The following MTOR variants were observed in gnomAD, a reference collection of about 807,000 sequenced individuals.
MTOR encodes mechanistic target of rapamycin kinase, also known as serine/threonine-protein kinase mTOR.
In MTOR, 70 loss-of-function variants were observed where a neutral mutation model predicts 319.8. The observed-to-expected ratio is 0.22, with a 90% confidence interval of 0.18 to 0.27. The LOEUF (loss-of-function observed/expected upper bound fraction) is 0.27, where lower values mean the gene tolerates loss of function less well. Among genes scored for constraint, MTOR ranks in the 10% least tolerant of loss-of-function variants. The pLI is 1.00. For synonymous variants in MTOR, 1,183 were observed against 1,211.4 expected (o/e 0.98, Z 0.49); for missense variants, 1,890 against 3,274.4 (o/e 0.58, Z 10.32).
chr1:11,212,685 G>T lies in MTOR; in HGVS notation c.3398+111C>A. 8.9e-7 allele frequency: 1 copy of T among 1,122,762 alleles called. No individual in the cohort carries two copies. The highest frequency in any genetic ancestry group is 2.1e-5 in the Admixed American group (1 of 47,910). 69.5% of individuals were successfully genotyped at this position (1,122,762 alleles called of 1,614,324 possible). On this transcript the variant is annotated intron_variant, in intron 22 of 57. Transcript: ENST00000361445. The surrounding 1 kb of genome is among the most constrained non-coding windows in gnomAD (Gnocchi z 4.1). Reference sequence around the variant, plus strand: ...GGATATTTCTAGACTAAAATAATGTGAGTTGAAATAACAAAAAAAATAGAA... The same window carrying T: ...GGATATTTCTAGACTAAAATAATGTTAGTTGAAATAACAAAAAAAATAGAA...
chr1:11,192,393 C>A (rs1350025063), intron 28 of MTOR: 1 of 1,555,422 alleles, frequency 6.4e-7, no homozygotes. Flanking sequence ...CAGTCACTGG[C>A]CATGCCCTAA....
intron 28 of MTOR, among the ~76,000 whole-genome samples, chr1:11,185,313 T>C (rs1256187852): frequency 1.3e-5 from 2 of 150,326 alleles, no homozygotes; most frequent in African/African-American, 4.9e-5. Context: ...TGGTGGCTCA[T>C]GCCTGTAATC....
intron 28 of MTOR, among the ~76,000 whole-genome samples, chr1:11,193,336 T>C (rs1645625134): frequency 6.6e-6 from 1 of 151,956 alleles, no homozygotes; most frequent in South Asian, 2.1e-4. Flanking sequence ...ATCTGGATTT[T>C]TCCCTCCAAG....
intron 36 of MTOR, among the ~76,000 whole-genome samples, chr1:11,135,376 A>G (rs1016709328): frequency 4.6e-5 from 7 of 152,268 alleles, no homozygotes; most frequent in African/African-American, 1.7e-4. Flanking sequence ...GAAAAATGGC[A>G]AAATCTAAAT....
At chr1:11,151,866 T>C (rs988015873) in intron 30 of MTOR, among the ~76,000 whole-genome samples, 38 of 152,188 alleles carry the variant, frequency 2.5e-4, no homozygotes, top group Non-Finnish European at 2.9e-5. Flanking sequence ...CCTCCCTCTA[T>C]TATTTTTTCA....
chr1:11,217,461 G>A (rs935704100), intron 19 of MTOR, among the ~76,000 whole-genome samples: 3 of 150,356 alleles, frequency 2.0e-5, no homozygotes, highest in African/African-American at 4.9e-5. Flanking sequence ...GCATGATCTC[G>A]GCTCACTGCA....
chr1:11,130,814 T>C (rs1054055916), intron 38 of MTOR, 37 bp from the exon 39 acceptor site: 11 of 1,544,784 alleles, frequency 7.1e-6, no homozygotes, highest in Non-Finnish European at 9.6e-6. Context: ...ACACTGGAGC[T>C]GTGACCAACA....
rs566163156 is a variant in MTOR at position 11,115,057 on chromosome 1, C to T, written c.7090-170G>A. On this transcript the variant is annotated intron_variant, in intron 51 of 57. Transcript: ENST00000361445. This position sits in a 1 kb window ranked among gnomAD's most constrained non-coding sequence, Gnocchi z 4.5. ...CTTGTCACAGGGATTTGAAAGACAA[C>T]TTAAAAAAAAAAAGAAACGAACAAC... is the stretch of plus-strand genomic sequence containing the variant. Among the ~76,000 whole-genome samples the T allele has an allele frequency of 6.7e-6, 1 of 149,842 alleles. No individual in the cohort carries two copies.
intron 1 of MTOR, among the ~76,000 whole-genome samples, chr1:11,260,014 T>C (rs1361634933): frequency 6.6e-6 from 1 of 152,234 alleles, no homozygotes; most frequent in Non-Finnish European, 1.5e-5. Context: ...CATGGGTTGA[T>C]GTGAGAACTA....
At chr1:11,132,692 C>T (rs1483880857) in intron 38 of MTOR, 2 of 164,382 alleles carry the variant, frequency 1.2e-5, no homozygotes, top group African/African-American at 4.8e-5. Context: ...AAGTTCTTAG[C>T]TGAGGAGCAG....
intron 6 of MTOR, among the ~76,000 whole-genome samples, chr1:11,249,238 G>T (rs112949837): frequency 2.6e-5 from 4 of 152,122 alleles, no homozygotes; most frequent in East Asian, 1.9e-4. Context: ...GGCCAGGGGA[G>T]GGGGGTTGGG....
chr1:11,237,734 A>T, intron 13 of MTOR, 109 bp downstream of exon 13: 1 of 1,181,766 alleles, frequency 8.5e-7, no homozygotes, highest in Non-Finnish European at 1.2e-6. Context: ...TTTACCAGGT[A>T]CCTCAATCTT....
chr1:11,139,485 A>C, intron 35 of MTOR, 48 bp downstream of exon 35: 1 of 1,614,156 alleles, frequency 6.2e-7, no homozygotes, highest in Non-Finnish European at 8.5e-7. Context: ...CAGCCCAGGG[A>C]CACCATGGGG....
At position 11,133,052 on chromosome 1, in the gene MTOR, G is replaced by T. The variant is rs377042597; in HGVS notation, c.5364+28C>A. 2.5e-6 allele frequency: 4 copies of T among 1,594,676 alleles called. No homozygotes were observed. Among genetic ancestry groups the T allele is most frequent in the Non-Finnish European group, 1.7e-6 (2 of 1,163,058 alleles). On this transcript the variant is annotated intron_variant, in intron 38 of 57. Transcript: ENST00000361445. The surrounding 1 kb of genome is among the most constrained non-coding windows in gnomAD (Gnocchi z 4.0). ...GGACACGAGCCAGCCAGGGTGCTGG[G>T]TCTCACAGGTGGCCTGCTTCTGATC...
At chr1:11,252,661 C>T (rs1425093471) in intron 6 of MTOR, among the ~76,000 whole-genome samples, 5 of 152,174 alleles carry the variant, frequency 3.3e-5, no homozygotes, top group Admixed American at 6.6e-5. Flanking sequence ...CTGCTGCATG[C>T]GCTGCTCCCA....
At chr1:11,134,322 G>A (rs990152239) in intron 37 of MTOR, 29 bp downstream of exon 37, 1 of 1,599,834 alleles carries the variant, frequency 6.3e-7, no homozygotes, top group African/African-American at 1.3e-5. Context: ...GCTGGAATAT[G>A]ACTTGCCCCA....
In MTOR at chr1:11,133,098, G is replaced by A. The variant is rs200804619; in HGVS notation, c.5346C>T (p.His1782=). The A allele has an allele frequency of 1.7e-5, 27 of 1,614,054 alleles. No individual in the cohort carries two copies. The Middle Eastern group carries it at 9.9e-4, about 59-fold the overall frequency. Residue 1782 remains histidine (H), a synonymous_variant, in exon 38 of 58, where the codon CAC becomes CAT. Transcript: ENST00000361445. This position sits in a 1 kb window ranked among gnomAD's most constrained non-coding sequence, Gnocchi z 4.0. ...VLQYYSAATE[H]DRSWYKAWHA... is the part of the protein sequence containing the mutation. ...TGATCACCTTGTACCAGCTGCGGTC[G>A]TGCTCTGTGGCGGCGCTGTAGTACT...
rs561502461 is a variant in MTOR at position 11,127,570 on chromosome 1, T to C, written c.6216+54A>G. On this transcript the variant is annotated intron_variant, in intron 44 of 57. Coordinates refer to ENST00000361445, the MANE Select transcript of MTOR (RefSeq NM_004958.4). This position sits in a 1 kb window ranked among gnomAD's most constrained non-coding sequence, Gnocchi z 5.5. ...AAACTTTTCTCATTTCATTTTTTTTTAGTGGCAGAATATTTCTACAGGGTT... is the reference window on the plus strand; with the variant it reads ...AAACTTTTCTCATTTCATTTTTTTTCAGTGGCAGAATATTTCTACAGGGTT... 3.9e-6 allele frequency: 6 copies of C among 1,523,016 alleles called. No homozygotes were observed. Among genetic ancestry groups the C allele is most frequent in the Admixed American group, 4.5e-5 (2 of 44,670 alleles). 94.3% of individuals were successfully genotyped at this position (1,523,016 alleles called of 1,614,324 possible). A position where few individuals can be genotyped will look rare whatever the true frequency, so the allele number is the denominator to read the frequency against.
rs200166048 is a variant in MTOR, at chr1:11,128,989, T to C, written c.5715-38A>G. On this transcript the variant is annotated intron_variant, in intron 40 of 57. Coordinates refer to ENST00000361445, the MANE Select transcript of MTOR (RefSeq NM_004958.4). The surrounding 1 kb of genome is among the most constrained non-coding windows in gnomAD (Gnocchi z 5.3). ...TGAGAAAGTCACAGAAAATTTAGTT[T>C]CCCAGTTTTTGCCTGCCTGTTTTTC... 5.7e-5 allele frequency: 90 copies of C among 1,571,928 alleles called. No homozygotes were observed. Among genetic ancestry groups the C allele is most frequent in the Non-Finnish European group, 7.3e-5 (84 of 1,150,548 alleles).
Sources: gnomAD v4.1 joint callset for allele counts (sites outside exome capture counted in the v4.1 genomes callset) on GRCh38, gnomAD v4.1.1 for gene constraint, Gnocchi (gnomAD v3.1) non-coding constraint, MANE v1.5 for transcripts, NCBI Gene and HGNC (gene_info 2026-07-23, HGNC 2026-07-21) for gene names.